Variants in DLGAP4 observed in about 807,000 individuals in gnomAD.
The protein encoded by DLGAP4 is DLG associated protein 4, also known as disks large-associated protein 4.
DLGAP4 carries 18 observed loss-of-function variants against 86.9 expected under a neutral mutation model. That is an observed-to-expected ratio of 0.21 (90% confidence interval 0.14 to 0.31). The LOEUF (loss-of-function observed/expected upper bound fraction) is 0.31. Ranked by LOEUF, DLGAP4 falls within the 10% of genes least tolerant of loss-of-function variation. The probability of loss-of-function intolerance (pLI) is 1.00; values close to 1 mark genes in which losing one functional copy is unlikely to be tolerated. For synonymous variants in DLGAP4, 548 were observed against 574.3 expected, an observed-to-expected ratio of 0.95 and a Z score of 0.65; for missense variants, 1,085 against 1,362.6, an observed-to-expected ratio of 0.80 and a Z score of 3.21.
chr20:36,371,364 A>C (rs919993394), intron 2 of DLGAP4, among the ~76,000 whole-genome samples: 15 of 152,242 alleles, frequency 9.9e-5, no homozygotes, highest in Non-Finnish European at 2.1e-4. Context: ...GGGGAGGGAC[A>C]GATATTATAC....
intron 1 of DLGAP4, among the ~76,000 whole-genome samples, chr20:36,345,554 C>T (rs371019841): frequency 1.8e-4 from 28 of 152,300 alleles, no homozygotes; most frequent in African/African-American, 6.0e-4. Context: ...CATCTGCATC[C>T]CAGGCTTGTT....
intron 7 of DLGAP4, among the ~76,000 whole-genome samples, chr20:36,475,541 A>G (rs2034873544): frequency 6.6e-6 from 1 of 152,124 alleles, no homozygotes; most frequent in Non-Finnish European, 1.5e-5. Context: ...TTCCTGTCCA[A>G]GATTCTATGA....
At chr20:36,441,823 G>A (rs1326267681) in intron 5 of DLGAP4, among the ~76,000 whole-genome samples, 2 of 151,936 alleles carry the variant, frequency 1.3e-5, no homozygotes, top group Non-Finnish European at 2.9e-5. Flanking sequence ...CTCTGTGTCT[G>A]TCTGTCTCTC....
intron 7 of DLGAP4, among the ~76,000 whole-genome samples, chr20:36,459,157 A>G (rs2033958579): frequency 6.6e-6 from 1 of 152,020 alleles, no homozygotes; most frequent in Admixed American, 6.6e-5. Context: ...GGTCCAGCCA[A>G]CTCTGCCTTG....
chr20:36,445,702 C>T (rs1195722482), intron 6 of DLGAP4, among the ~76,000 whole-genome samples: 1 of 152,170 alleles, frequency 6.6e-6, no homozygotes, highest in Non-Finnish European at 1.5e-5. Flanking sequence ...TGGCCCCAGG[C>T]CCAGATCAAC....
chr20:36,521,486 T>C (rs2037378402), intron 10 of DLGAP4, among the ~76,000 whole-genome samples: 1 of 152,168 alleles, frequency 6.6e-6, no homozygotes, highest in Middle Eastern at 3.2e-3. Flanking sequence ...CAGACACAGG[T>C]CCCCACTGTC....
At chr20:36,470,811 A>G (rs1157785741) in intron 7 of DLGAP4, among the ~76,000 whole-genome samples, 2 of 152,176 alleles carry the variant, frequency 1.3e-5, no homozygotes, top group Non-Finnish European at 1.5e-5. Context: ...ATACAGGTTC[A>G]TGGCCACCTT....
At chr20:36,327,125 G>A (rs556467350) in intron 1 of DLGAP4, among the ~76,000 whole-genome samples, 19 of 148,010 alleles carry the variant, frequency 1.3e-4, no homozygotes, top group African/African-American at 2.3e-4. Flanking sequence ...TCAGCCTCCC[G>A]AGTAGCTGGG....
At chr20:36,310,817 G>A (rs972066967) in intron 1 of DLGAP4, among the ~76,000 whole-genome samples, 2 of 152,212 alleles carry the variant, frequency 1.3e-5, no homozygotes, top group African/African-American at 2.4e-5. Context: ...TGTTGGTTAA[G>A]GGAGTGAGGG....
intron 7 of DLGAP4, among the ~76,000 whole-genome samples, chr20:36,468,270 C>T (rs908110950): frequency 6.6e-6 from 1 of 152,212 alleles, no homozygotes; most frequent in African/African-American, 2.4e-5. Flanking sequence ...CTCAGCCAGC[C>T]CCCACCAGAG....
chr20:36,340,017 A>G (rs2065362026), intron 1 of DLGAP4, among the ~76,000 whole-genome samples: 1 of 152,188 alleles, frequency 6.6e-6, no homozygotes, highest in Non-Finnish European at 1.5e-5. Context: ...AGCCTGGAGT[A>G]GCCAGGGGTG....
intron 2 of DLGAP4, among the ~76,000 whole-genome samples, chr20:36,369,233 A>G (rs2030822906): frequency 6.6e-6 from 1 of 152,236 alleles, no homozygotes; most frequent in South Asian, 2.1e-4. Context: ...CCTGAGACCC[A>G]GAGACCTGGT....
chr20:36,318,779 G>A (rs1358526109), intron 1 of DLGAP4, among the ~76,000 whole-genome samples: 19 of 152,172 alleles, frequency 1.2e-4, no homozygotes, highest in African/African-American at 4.6e-4. Flanking sequence ...GAAATGAGGT[G>A]TTCATAGCAG....
intron 2 of DLGAP4, among the ~76,000 whole-genome samples, chr20:36,402,417 C>T (rs6065745): frequency 2.0e-5 from 3 of 152,136 alleles, no homozygotes. Flanking sequence ...TCATATGTGC[C>T]TCATGAATGA....
chr20:36,388,301 G>T (rs971098138), intron 2 of DLGAP4, among the ~76,000 whole-genome samples: 1 of 152,112 alleles, frequency 6.6e-6, no homozygotes, highest in Non-Finnish European at 1.5e-5. Context: ...CTCCCATCAG[G>T]CAAGGCAGCC....
chr20:36,363,735 G>C (rs149807137), intron 1 of DLGAP4, among the ~76,000 whole-genome samples: 1 of 152,312 alleles, frequency 6.6e-6, no homozygotes, highest in East Asian at 1.9e-4. Flanking sequence ...GGGATTGCTT[G>C]GCTGGAAGGT....
chr20:36,339,948 C>A (rs1206251729), intron 1 of DLGAP4, among the ~76,000 whole-genome samples: 2 of 152,152 alleles, frequency 1.3e-5, no homozygotes, highest in Non-Finnish European at 2.9e-5. Flanking sequence ...GCTGGACAGG[C>A]AGTGGAGGCT....
chr20:36,409,982 C>T (rs1278724775), intron 2 of DLGAP4, among the ~76,000 whole-genome samples: 3 of 149,654 alleles, frequency 2.0e-5, no homozygotes, highest in East Asian at 2.0e-4. Context: ...TGCAGTGAGC[C>T]GAGATCACGC....
chr20:36,374,066 GA>G (rs968477924), intron 2 of DLGAP4, among the ~76,000 whole-genome samples: 77 of 151,688 alleles, frequency 5.1e-4, no homozygotes, highest in African/African-American at 1.6e-3. Flanking sequence ...GAAAATAAAG[GA>G]GTCTTGAACC....
Sources: gnomAD v4.1 joint callset for allele counts (sites outside exome capture counted in the v4.1 genomes callset) on GRCh38, gnomAD v4.1.1 for gene constraint, MANE v1.5 for transcripts, NCBI Gene and HGNC (gene_info 2026-07-23, HGNC 2026-07-21) for gene names.